Variants in BMPER observed in about 807,000 individuals in gnomAD.
The protein encoded by BMPER is BMP-binding endothelial regulator protein.
In BMPER, 45 loss-of-function variants were observed where a neutral mutation model predicts 87.3. That is an observed-to-expected ratio of 0.52 (90% CI 0.41 to 0.66). BMPER has a LOEUF of 0.66. Among genes scored for constraint, BMPER ranks in the 30% least tolerant of loss-of-function variants. The pLI, the probability that BMPER is intolerant of heterozygous loss-of-function variation, is 0.00. For missense variants in BMPER, 784 were observed against 867.5 expected (o/e 0.90, Z 1.21); for synonymous variants, 326 against 316.2 (o/e 1.03, Z -0.33).
chr7:34,017,293 G>C (rs927996914), intron 6 of BMPER, among the ~76,000 whole-genome samples: 1 of 151,788 alleles, frequency 6.6e-6, no homozygotes, highest in Non-Finnish European at 1.5e-5. Context: ...ACACACCCGA[G>C]ACTGGGTAAT....
At chr7:34,034,289 T>C (rs1239806948) in intron 6 of BMPER, among the ~76,000 whole-genome samples, 1 of 152,212 alleles carries the variant, frequency 6.6e-6, no homozygotes, top group African/African-American at 2.4e-5. Flanking sequence ...GAATATGCCT[T>C]GTGGATTTGT....
chr7:34,050,625 T>C (rs1788124793), intron 7 of BMPER, among the ~76,000 whole-genome samples: 1 of 152,210 alleles, frequency 6.6e-6, no homozygotes, highest in African/African-American at 2.4e-5. Flanking sequence ...ATTAATCTTT[T>C]ACAAGAAGAA....
chr7:34,052,374 T>G (rs1033588493), intron 8 of BMPER, among the ~76,000 whole-genome samples: 1 of 152,242 alleles, frequency 6.6e-6, no homozygotes, highest in African/African-American at 2.4e-5. Context: ...ATCACAAAGA[T>G]AAACCTGGCA....
intron 11 of BMPER, among the ~76,000 whole-genome samples, chr7:34,077,583 T>C (rs1788897880): frequency 6.6e-6 from 1 of 152,206 alleles, no homozygotes; most frequent in African/African-American, 2.4e-5. Context: ...GAAAACTAAT[T>C]TAGAACAAGA....
intron 1 of BMPER, among the ~76,000 whole-genome samples, 184 bp downstream of exon 1, chr7:33,905,930 G>T (rs1432235444): frequency 6.6e-6 from 1 of 152,206 alleles, no homozygotes; most frequent in Non-Finnish European, 1.5e-5. Flanking sequence ...AGAGGTTGCG[G>T]GCTGAGAGGC....
chr7:33,946,666 G>A (rs1259156044), intron 3 of BMPER, among the ~76,000 whole-genome samples: 1 of 152,088 alleles, frequency 6.6e-6, no homozygotes, highest in Non-Finnish European at 1.5e-5. Context: ...AGGAGTAGAG[G>A]GGTCACACAA....
At chr7:34,115,247 C>A (rs1191011998) in intron 13 of BMPER, among the ~76,000 whole-genome samples, 1 of 152,072 alleles carries the variant, frequency 6.6e-6, no homozygotes, top group Non-Finnish European at 1.5e-5. Flanking sequence ...TTTAGAAATA[C>A]AATGATTATT....
At chr7:33,979,475 G>T (rs1369276162) in intron 6 of BMPER, among the ~76,000 whole-genome samples, 1 of 151,738 alleles carries the variant, frequency 6.6e-6, no homozygotes, top group Non-Finnish European at 1.5e-5. Flanking sequence ...CCTCCTCTGT[G>T]CTTAGCACCA....
chr7:34,019,949 GT>G (rs113364621), intron 6 of BMPER, among the ~76,000 whole-genome samples: 14,748 of 138,032 alleles, frequency 0.11, 767 homozygotes, highest in South Asian at 0.2. Flanking sequence ...TTTTTAGAAG[GT>G]TTTTTTTTTT....
chr7:33,965,207 A>G (rs529652322), intron 3 of BMPER, among the ~76,000 whole-genome samples: 200 of 152,342 alleles, frequency 1.3e-3, no homozygotes, highest in Middle Eastern at 6.8e-3. Context: ...CATTTCCCTA[A>G]TGTGTTTCCA....
intron 2 of BMPER, among the ~76,000 whole-genome samples, chr7:33,914,632 T>C (rs1440143558): frequency 6.6e-6 from 1 of 152,228 alleles, no homozygotes; most frequent in Non-Finnish European, 1.5e-5. Context: ...ATTTGTTACC[T>C]GTCTGCATAG....
chr7:33,977,224 A>G (rs1372938844), intron 6 of BMPER, among the ~76,000 whole-genome samples: 1 of 152,138 alleles, frequency 6.6e-6, no homozygotes, highest in African/African-American at 2.4e-5. Flanking sequence ...TGTTGGTAAA[A>G]TAATCTGGTT....
intron 6 of BMPER, among the ~76,000 whole-genome samples, chr7:33,975,465 C>T (rs917555401): frequency 7.2e-5 from 11 of 152,086 alleles, no homozygotes; most frequent in Non-Finnish European, 7.4e-5. Flanking sequence ...CATATACTAA[C>T]GATCTCTCCA....
rs1024331477 is a variant in BMPER, at chr7:34,156,179, A to G, written c.*2906A>G. On this transcript the variant is annotated 3_prime_UTR_variant, in exon 15 of 15. Coordinates refer to ENST00000649409, the MANE Select transcript of BMPER (RefSeq NM_001365308.1). ...CCGTCCTGTAAGAGGGCATCTTTCA[A>G]TAAGAACGAGAAAGACCCAGGAGGT... Among the ~76,000 whole-genome samples, 5 of 152,200 alleles carry G rather than the reference A, an allele frequency of 3.3e-5. No individual in the cohort carries two copies. The highest frequency in any genetic ancestry group is 1.2e-4 in the African/African-American group (5 of 41,442).
chr7:34,134,641 T>G (rs1186383937), intron 13 of BMPER, among the ~76,000 whole-genome samples: 1 of 152,178 alleles, frequency 6.6e-6, no homozygotes, highest in East Asian at 1.9e-4. Flanking sequence ...TTTGGGCTCC[T>G]TAAAGATGTG....
At chr7:33,974,869 C>T (rs562425704) in intron 6 of BMPER, 85 bp downstream of exon 6, 8 of 1,323,798 alleles carry the variant, frequency 6.0e-6, no homozygotes, top group Non-Finnish European at 8.7e-6. Context: ...GTCTCTACAG[C>T]CTCTCTCTCG....
chr7:34,028,488 G>T (rs1164046865), intron 6 of BMPER, among the ~76,000 whole-genome samples: 2 of 151,224 alleles, frequency 1.3e-5, no homozygotes, highest in African/African-American at 4.9e-5. Flanking sequence ...AGAGTAAAGG[G>T]ATCCTGAGAT....
chr7:34,127,805 G>A lies in BMPER; in HGVS notation c.1746-15425G>A, dbSNP rs77708959. The stretch of plus-strand genomic sequence containing the variant: ...ATGTCCCCTCTCAATTTCTACTGGT[G>A]TTCCCGCAGGTAAGTGGTGTCTTTC... On this transcript the variant is annotated intron_variant, in intron 13 of 14. Transcript: ENST00000649409. Among the ~76,000 whole-genome samples the A allele has an allele frequency of 6.3e-3, 952 of 152,228 alleles. 23 individuals are homozygous for A. In the East Asian group the frequency reaches 0.095, roughly 15 times the overall value.
chr7:33,919,280 A>G lies in BMPER; in HGVS notation c.219+12377A>G, dbSNP rs1784160143. Among the ~76,000 whole-genome samples, 3 of 152,152 alleles carry G rather than the reference A, an allele frequency of 2.0e-5. No individual in the cohort carries two copies. The South Asian group carries it at 6.2e-4, about 32-fold the overall frequency. ...GTGGTTCAACCTAATGTATGCTTTG[A>G]GGACTTTTAGACTTTTTCAAGGGAG... On this transcript the variant is annotated intron_variant, in intron 2 of 14. Coordinates refer to ENST00000649409, the MANE Select transcript of BMPER (RefSeq NM_001365308.1).
Sources: gnomAD v4.1 joint callset for allele counts (sites outside exome capture counted in the v4.1 genomes callset) on GRCh38, gnomAD v4.1.1 for gene constraint, MANE v1.5 for transcripts, NCBI Gene and HGNC (gene_info 2026-07-23, HGNC 2026-07-21) for gene names.